NAALADL2: variants seen among roughly 807,000 people sequenced by gnomAD.
The protein encoded by NAALADL2 is inactive N-acetylated-alpha-linked acidic dipeptidase-like protein 2.
Under a neutral mutation model 87.2 loss-of-function variants are expected in NAALADL2, and 76 were observed. That is an observed-to-expected ratio of 0.87 (90% CI 0.72 to 1.05). NAALADL2 has a LOEUF of 1.05. Among genes scored for constraint, NAALADL2 ranks in the 50% least tolerant of loss-of-function variants. The probability of loss-of-function intolerance (pLI) is 0.00; values close to 1 mark genes in which losing one functional copy is unlikely to be tolerated. For synonymous variants in NAALADL2, 354 were observed against 331.0 expected (o/e 1.07, Z -0.75); for missense variants, 1,089 against 945.8 (o/e 1.15, Z -1.99).
rs548660672 is a variant in NAALADL2 at position 174,486,461 on chromosome 3, T to C, written c.-184+45429T>C. ...CTTGTCCACATTGACCCTCTTAAAA[T>C]TTGTCAATTACGCTTTAGGTTTTCC... On this transcript the variant is annotated intron_variant, in intron 1 of 3. Coordinates refer to the NAALADL2 transcript ENST00000434257. 2.6e-5 allele frequency among the ~76,000 whole-genome samples: 4 copies of C among 152,106 alleles called. No individual in the cohort carries two copies. The South Asian group carries it at 6.2e-4, about 24-fold the overall frequency.
At chr3:175,792,343 A>C (rs1012301379) in intron 13 of NAALADL2, among the ~76,000 whole-genome samples, 4 of 151,100 alleles carry the variant, frequency 2.6e-5, no homozygotes, top group African/African-American at 7.3e-5. Context: ...TTAACATTAA[A>C]TCATTCTTTC....
intron 2 of NAALADL2, among the ~76,000 whole-genome samples, chr3:174,578,117 G>A (rs1026847002): frequency 6.6e-6 from 1 of 151,928 alleles, no homozygotes; most frequent in African/African-American, 2.4e-5. Context: ...AAAAGTTAAC[G>A]TATTATCACT....
chr3:175,604,831 A>G (rs921784243), intron 10 of NAALADL2, among the ~76,000 whole-genome samples: 21 of 152,194 alleles, frequency 1.4e-4, no homozygotes, highest in South Asian at 4.1e-4. Flanking sequence ...AGTGGCTTCA[A>G]TGTTGAAGCA....
chr3:174,960,769 G>A (rs1741859281), intron 1 of NAALADL2, among the ~76,000 whole-genome samples: 2 of 152,050 alleles, frequency 1.3e-5, no homozygotes, highest in South Asian at 4.1e-4. Flanking sequence ...GGTATTATAA[G>A]TACTTCCAAC....
At chr3:174,540,882 A>G (rs1339472373) in intron 1 of NAALADL2, 1 of 152,142 alleles carries the variant, frequency 6.6e-6, no homozygotes, top group Non-Finnish European at 1.5e-5. Context: ...TTTTAAATTT[A>G]TCTATATAAG....
chr3:175,296,525 T>C (rs1031408556), intron 4 of NAALADL2, among the ~76,000 whole-genome samples: 1 of 152,254 alleles, frequency 6.6e-6, no homozygotes, highest in South Asian at 2.1e-4. Flanking sequence ...CCTTTGTTTT[T>C]CCCTTTACCC....
intron 4 of NAALADL2, among the ~76,000 whole-genome samples, chr3:175,305,971 A>AT (rs1399149782): frequency 4.0e-5 from 6 of 151,822 alleles, no homozygotes; most frequent in Admixed American, 6.6e-5. Context: ...TTTTTTTAAG[A>AT]TTTTTTTGAT....
intron 1 of NAALADL2, among the ~76,000 whole-genome samples, chr3:174,528,298 A>T (rs1560032867): frequency 1.3e-5 from 2 of 152,188 alleles, no homozygotes; most frequent in Non-Finnish European, 2.9e-5. Flanking sequence ...TGTGCATAGC[A>T]TTATAGGAGT....
chr3:175,125,249 G>A (rs1726775515), intron 2 of NAALADL2, among the ~76,000 whole-genome samples: 1 of 151,944 alleles, frequency 6.6e-6, no homozygotes, highest in Admixed American at 6.6e-5. Context: ...TTAACATACT[G>A]GATAGTACAG....
intron 10 of NAALADL2, among the ~76,000 whole-genome samples, chr3:175,599,219 G>T (rs972708612): frequency 7.9e-5 from 12 of 151,940 alleles, no homozygotes; most frequent in Non-Finnish European, 1.5e-5. Context: ...TGATTATGTG[G>T]TATATTCATT....
At chr3:175,011,596 A>C (rs1749832538) in intron 1 of NAALADL2, among the ~76,000 whole-genome samples, 1 of 152,170 alleles carries the variant, frequency 6.6e-6, no homozygotes. Context: ...CCTATAGCTC[A>C]GCTTAATTGT....
At chr3:175,055,721 A>G (rs890355465) in intron 1 of NAALADL2, among the ~76,000 whole-genome samples, 4 of 152,118 alleles carry the variant, frequency 2.6e-5, no homozygotes, top group Non-Finnish European at 5.9e-5. Flanking sequence ...ATTTTCCCCT[A>G]TCCGGTGGCC....
chr3:174,733,652 C>CTGCT (rs1732916729), intron 2 of NAALADL2, among the ~76,000 whole-genome samples: 1 of 152,192 alleles, frequency 6.6e-6, no homozygotes, highest in South Asian at 2.1e-4. Flanking sequence ...AGTTTGGGTC[C>CTGCT]TGCTGCTTGC....
chr3:175,062,152 T>C (rs1580251871), intron 1 of NAALADL2, among the ~76,000 whole-genome samples: 2 of 152,172 alleles, frequency 1.3e-5, no homozygotes. Flanking sequence ...GCTTTGAATC[T>C]TTTCTAATTT....
chr3:175,341,165 C>G lies in NAALADL2; in HGVS notation c.1090+16840C>G, dbSNP rs187728547. 4.6e-4 allele frequency among the ~76,000 whole-genome samples: 70 copies of G among 152,240 alleles called. 2 individuals carry two copies. The East Asian group carries it at 9.1e-3, about 20-fold the overall frequency. Reference sequence around the variant, plus strand: ...CGCATTAGCAGTTGTTCCCCATTCTCTCCTCCCTCCAGCCCCTGGCAACTA... The same window carrying G: ...CGCATTAGCAGTTGTTCCCCATTCTGTCCTCCCTCCAGCCCCTGGCAACTA... On this transcript the variant is annotated intron_variant, in intron 5 of 13. Coordinates refer to ENST00000454872, the MANE Select transcript of NAALADL2 (RefSeq NM_207015.3).
intron 11 of NAALADL2, among the ~76,000 whole-genome samples, chr3:175,695,838 A>G (rs984503922): frequency 2.0e-5 from 3 of 152,154 alleles, no homozygotes; most frequent in African/African-American, 4.8e-5. Context: ...AAAACTCTAG[A>G]TGGTGATACG....
At chr3:174,668,449 C>T (rs568305) in intron 2 of NAALADL2, among the ~76,000 whole-genome samples, 96,602 of 151,798 alleles carry the variant, frequency 0.64, 31,438 homozygotes, top group Admixed American at 0.72. Flanking sequence ...ACTTTAAGTT[C>T]TAGGGTACAT....
intron 11 of NAALADL2, among the ~76,000 whole-genome samples, chr3:175,734,306 G>A (rs977896178): frequency 6.6e-6 from 1 of 152,118 alleles, no homozygotes; most frequent in Non-Finnish European, 1.5e-5. Context: ...TGTAATCCCA[G>A]CACTTTGGGA....
intron 1 of NAALADL2, among the ~76,000 whole-genome samples, chr3:174,865,234 G>A (rs1424021672): frequency 3.9e-5 from 6 of 152,052 alleles, no homozygotes; most frequent in South Asian, 2.1e-4. Context: ...TAAAAAAGTC[G>A]AAAGAGAAAT....
Sources: allele counts gnomAD v4.1 joint callset (sites outside exome capture counted in the v4.1 genomes callset), GRCh38; gene constraint gnomAD v4.1.1; transcripts MANE v1.5; gene names NCBI Gene and HGNC (gene_info 2026-07-23, HGNC 2026-07-21).